Variants in CHCHD6 observed in about 807,000 individuals in gnomAD.
CHCHD6 encodes the protein coiled-coil-helix-coiled-coil-helix domain containing 6.
A neutral mutation model predicts 32.3 loss-of-function variants in CHCHD6; 28 were observed. That is an observed-to-expected ratio of 0.87 (90% CI 0.64 to 1.19). CHCHD6 has a LOEUF of 1.19. CHCHD6 is among the 50% of genes most tolerant of loss of function. The probability of loss-of-function intolerance (pLI) is 0.00; values close to 1 mark genes in which losing one functional copy is unlikely to be tolerated. For synonymous variants in CHCHD6, 122 were observed against 117.5 expected, an observed-to-expected ratio of 1.04 and a Z score of -0.25; for missense variants, 333 against 307.0, an observed-to-expected ratio of 1.08 and a Z score of -0.63.
chr3:126,857,669 A>C (rs1941708577), intron 5 of CHCHD6, among the ~76,000 whole-genome samples: 1 of 152,238 alleles, frequency 6.6e-6, no homozygotes, highest in African/African-American at 2.4e-5. Flanking sequence ...TTTCCACTTC[A>C]CAGGAAAAGG....
chr3:126,926,212 A>G (rs2078322196), intron 6 of CHCHD6, among the ~76,000 whole-genome samples: 1 of 152,206 alleles, frequency 6.6e-6, no homozygotes, highest in African/African-American at 2.4e-5. Context: ...AGGCCCAGGG[A>G]CAATACATGG....
At chr3:126,885,396 A>G (rs55943632) in intron 5 of CHCHD6, among the ~76,000 whole-genome samples, 3,991 of 152,184 alleles carry the variant, frequency 0.026, 65 homozygotes, top group Middle Eastern at 0.061. Context: ...TCCACTTCTT[A>G]TCAGAGAGAA....
intron 4 of CHCHD6, among the ~76,000 whole-genome samples, chr3:126,757,934 A>G (rs1005255997): frequency 6.6e-6 from 1 of 152,252 alleles, no homozygotes; most frequent in Non-Finnish European, 1.5e-5. Context: ...CAAATCTGAA[A>G]GCTCAATGTG....
At chr3:126,744,995 C>T (rs1279312140) in intron 4 of CHCHD6, among the ~76,000 whole-genome samples, 1 of 152,194 alleles carries the variant, frequency 6.6e-6, no homozygotes, top group African/African-American at 2.4e-5. Context: ...ATCAATTTTC[C>T]AGTCAGGAAG....
intron 4 of CHCHD6, among the ~76,000 whole-genome samples, chr3:126,850,733 ACT>A (rs1941443654): frequency 6.6e-6 from 1 of 152,086 alleles, no homozygotes; most frequent in Non-Finnish European, 1.5e-5. Context: ...ACTTTCTTTT[ACT>A]GGCTGTTTAA....
intron 6 of CHCHD6, among the ~76,000 whole-genome samples, chr3:126,937,320 A>G (rs1226381990): frequency 1.3e-5 from 2 of 152,222 alleles, no homozygotes; most frequent in Non-Finnish European, 2.9e-5. Context: ...GGAGAGTCTA[A>G]GATTCTGAGG....
rs927283980 is a variant in CHCHD6 at position 126,840,017 on chromosome 3, G to A, written c.412-12630G>A. Among the ~76,000 whole-genome samples, 8 of 152,136 alleles carry A rather than the reference G, an allele frequency of 5.3e-5. No homozygotes were observed. The South Asian group carries it at 1.4e-3, about 28-fold the overall frequency. ...ACTCATCTGTTTTCTATCTCTATGTGTTTGCCTAATCTGGACATTTCATAT... is the reference window on the plus strand; with the variant it reads ...ACTCATCTGTTTTCTATCTCTATGTATTTGCCTAATCTGGACATTTCATAT... On this transcript the variant is annotated intron_variant, in intron 4 of 7. Transcript: ENST00000290913.
chr3:126,719,655 G>A (rs114911533), intron 1 of CHCHD6, among the ~76,000 whole-genome samples: 275 of 152,296 alleles, frequency 1.8e-3, no homozygotes, highest in Non-Finnish European at 3.1e-3. Flanking sequence ...GAAACAGTGT[G>A]TTTACTGGGT....
intron 5 of CHCHD6, among the ~76,000 whole-genome samples, chr3:126,857,696 G>C (rs1941709348): frequency 6.6e-6 from 1 of 152,194 alleles, no homozygotes; most frequent in African/African-American, 2.4e-5. Flanking sequence ...CAGCAAATGT[G>C]AAAAGAGCTC....
intron 4 of CHCHD6, among the ~76,000 whole-genome samples, chr3:126,799,857 G>A (rs1237240719): frequency 1.3e-5 from 2 of 152,100 alleles, no homozygotes. Context: ...TAGAGTTTTG[G>A]GTCTTACTTC....
intron 4 of CHCHD6, among the ~76,000 whole-genome samples, chr3:126,815,649 C>T (rs200774309): frequency 2.0e-5 from 3 of 149,686 alleles, no homozygotes; most frequent in African/African-American, 7.3e-5. Context: ...TCTTGCCCCC[C>T]CCCCCCCATC....
intron 6 of CHCHD6, among the ~76,000 whole-genome samples, 197 bp downstream of exon 6, chr3:126,914,947 T>C: frequency 6.6e-6 from 1 of 152,242 alleles, no homozygotes; most frequent in Non-Finnish European, 1.5e-5. Flanking sequence ...CACTCAGTTC[T>C]TATCTAGCTC....
chr3:126,921,273 C>T (rs2078243059), intron 6 of CHCHD6, among the ~76,000 whole-genome samples: 1 of 152,166 alleles, frequency 6.6e-6, no homozygotes, highest in Non-Finnish European at 1.5e-5. Flanking sequence ...AGGGAGCTCT[C>T]CACCAAAGAG....
chr3:126,833,577 G>A (rs941970892), intron 4 of CHCHD6, among the ~76,000 whole-genome samples: 1 of 152,170 alleles, frequency 6.6e-6, no homozygotes, highest in Admixed American at 6.5e-5. Context: ...GTAGACCTAC[G>A]AAAGTCCAGC....
chr3:126,822,845 A>G (rs761166673), intron 4 of CHCHD6, among the ~76,000 whole-genome samples: 6 of 152,050 alleles, frequency 3.9e-5, no homozygotes, highest in Admixed American at 1.3e-4. Flanking sequence ...TGTGTTAGTA[A>G]CACTCTTTAT....
intron 5 of CHCHD6, among the ~76,000 whole-genome samples, chr3:126,900,166 T>C (rs2077901333): frequency 6.6e-6 from 1 of 152,182 alleles, no homozygotes; most frequent in Admixed American, 6.5e-5. Context: ...GTTGGGAGTT[T>C]TCCTTGACAT....
chr3:126,913,207 C>T lies in CHCHD6; in HGVS notation c.496-1473C>T, dbSNP rs1043190766. 1.8e-4 allele frequency among the ~76,000 whole-genome samples: 6 copies of T among 33,746 alleles called. No homozygotes were observed. In the East Asian group the frequency reaches 2.5e-3, roughly 14 times the overall value. The allele number at this position is 33,746 out of a possible 152,430, so 22.1% of individuals were successfully genotyped here. A position where few individuals can be genotyped will look rare whatever the true frequency, so the allele number is the denominator to read the frequency against. The stretch of plus-strand genomic sequence containing the variant: ...GGATAATCATGCTGCCCGTATGAGC[C>T]TTTTTTTTTTTTTTTTTTTTTTTTT... On this transcript the variant is annotated intron_variant, in intron 5 of 7. Transcript: ENST00000290913.
At chr3:126,922,653 GTA>G (rs2078268685) in intron 6 of CHCHD6, among the ~76,000 whole-genome samples, 1 of 135,798 alleles carries the variant, frequency 7.4e-6, no homozygotes, top group African/African-American at 2.7e-5. Context: ...GTGTGTGTGT[GTA>G]CACATGCTTG....
At chr3:126,794,540 T>A (rs1306298160) in intron 4 of CHCHD6, among the ~76,000 whole-genome samples, 1 of 151,940 alleles carries the variant, frequency 6.6e-6, no homozygotes, top group African/African-American at 2.4e-5. Context: ...TCATTTCCTA[T>A]TTTGCTGGAG....
Sources: allele counts gnomAD v4.1 joint callset (sites outside exome capture counted in the v4.1 genomes callset), GRCh38; gene constraint gnomAD v4.1.1; transcripts MANE v1.5; gene names NCBI Gene and HGNC (gene_info 2026-07-23, HGNC 2026-07-21).